The following RARS1 variants were observed in gnomAD, a reference collection of about 807,000 sequenced individuals.
RARS1 encodes arginine--tRNA ligase, cytoplasmic.
In RARS1, 75 loss-of-function variants were observed where a neutral mutation model predicts 78.7. The observed-to-expected ratio is 0.95, with a 90% CI of 0.79 to 1.15. The LOEUF is 1.15. Among genes scored for constraint, RARS1 ranks in the 50% most tolerant of loss-of-function variants. The pLI, the probability that RARS1 is intolerant of heterozygous loss-of-function variation, is 0.00. For missense variants in RARS1, 787 were observed against 787.5 expected, an observed-to-expected ratio of 1.00 and a Z score of 0.01; for synonymous variants, 273 against 268.2, an observed-to-expected ratio of 1.02 and a Z score of -0.18.
At position 168,497,142 on chromosome 5, in the gene RARS1, G is replaced by A. The variant is rs1204936536; in HGVS notation, c.702-86G>A. The A allele has an allele frequency of 3.7e-6, 4 of 1,092,350 alleles. No homozygotes were observed. In the African/African-American group the frequency reaches 4.9e-5, roughly 13 times the overall value. The allele number at this position is 1,092,350 out of a possible 1,614,324, so 67.7% of individuals were successfully genotyped here. On this transcript the variant is annotated intron_variant, in intron 6 of 14. Coordinates refer to ENST00000231572, the MANE Select transcript of RARS1 (RefSeq NM_002887.4). ...ATGTACTGGCATGTAAATATTAGTG[G>A]TTCCTAATGGAATATAGTTCCTCTA...
chr5:168,501,877 T>C, intron 8 of RARS1, 124 bp from the exon 9 acceptor site: 1 of 1,374,180 alleles, frequency 7.3e-7, no homozygotes, highest in Non-Finnish European at 9.6e-7. Flanking sequence ...TCATACATTT[T>C]TTATGTAATT....
At chr5:168,499,876 G>A (rs988434817) in intron 7 of RARS1, among the ~76,000 whole-genome samples, 2 of 152,034 alleles carry the variant, frequency 1.3e-5, no homozygotes, top group African/African-American at 4.8e-5. Flanking sequence ...AGCAACTTTC[G>A]TTTTAGTTAA....
chr5:168,507,227 T>C (rs1758467144), intron 11 of RARS1, among the ~76,000 whole-genome samples: 1 of 152,232 alleles, frequency 6.6e-6, no homozygotes, highest in Non-Finnish European at 1.5e-5. Context: ...TATAAGTTAT[T>C]GAGATTCCAA....
rs796746967 is a variant in RARS1 at position 168,486,656 on chromosome 5, CAG to C, written c.45+116_45+117del. The C allele has an allele frequency of 0.17, 187,908 of 1,111,254 alleles. 16,802 individuals carry two copies. Among genetic ancestry groups the C allele is most frequent in the Middle Eastern group, 0.25 (1,043 of 4,158 alleles). 68.8% of individuals were successfully genotyped at this position (1,111,254 alleles called of 1,614,324 possible). On this transcript the variant is annotated intron_variant, in intron 1 of 14. Coordinates refer to ENST00000231572, the MANE Select transcript of RARS1 (RefSeq NM_002887.4). The stretch of plus-strand genomic sequence containing the variant: ...TAGGCGAGGACCATCCTGGTCCTCT[CAG>C]AGTGGAGCGGCACGGTCCCTGTGGG...
chr5:168,505,714 G>GAAA (rs60743864), intron 9 of RARS1, among the ~76,000 whole-genome samples: 24 of 114,224 alleles, frequency 2.1e-4, no homozygotes, highest in Non-Finnish European at 1.8e-4. Flanking sequence ...TATCAAAAAA[G>GAAA]AAAAAAAAAA....
rs1167658706 is a variant in RARS1, at chr5:168,488,703, A to T, written c.147A>T (p.Leu49Phe). ...PNLEQLQEEN[L>F]KLKYRLNILR... is the part of the protein sequence containing the mutation. ...TGGAGCAGTTACAAGAAGAAAATTT[A>T]AAATTAAAGTATCGACTGAATATTC... Residue 49 changes from leucine (L) to phenylalanine (F), a missense_variant, in exon 2 of 15, where the codon TTA (leucine) becomes TTT (phenylalanine). Coordinates refer to ENST00000231572, the MANE Select transcript of RARS1 (RefSeq NM_002887.4). 6.2e-7 allele frequency: 1 copy of T among 1,611,278 alleles called. No individual in the cohort carries two copies. Among genetic ancestry groups the T allele is most frequent in the Non-Finnish European group, 8.5e-7 (1 of 1,179,246 alleles).
chr5:168,489,993 T>C (rs1351409527), intron 2 of RARS1, among the ~76,000 whole-genome samples: 1 of 152,126 alleles, frequency 6.6e-6, no homozygotes, highest in Admixed American at 6.5e-5. Flanking sequence ...TTTGTATTTT[T>C]AGTAGAGACG....
At chr5:168,509,637 G>A (rs796743414) in intron 11 of RARS1, among the ~76,000 whole-genome samples, 79 of 149,576 alleles carry the variant, frequency 5.3e-4, no homozygotes, top group African/African-American at 1.7e-3. Context: ...AGCATCCTGA[G>A]GTTTTTTTCT....
intron 7 of RARS1, among the ~76,000 whole-genome samples, chr5:168,500,123 G>T (rs906017569): frequency 7.2e-6 from 1 of 139,574 alleles, no homozygotes; most frequent in African/African-American, 2.6e-5. Context: ...GGACACGGAG[G>T]TTGCAGTGAG....
intron 9 of RARS1, among the ~76,000 whole-genome samples, chr5:168,502,385 T>TATATATATATATATA: frequency 1.1e-5 from 1 of 93,144 alleles, no homozygotes; most frequent in African/African-American, 5.1e-5. Context: ...TATATATATA[T>TATATATATATATATA]TTTTTTTTTT....
rs560759460 is a variant in RARS1, at chr5:168,497,267, G to A, written c.741G>A (p.Met247Ile). 168 of 1,589,468 alleles carry A rather than the reference G, an allele frequency of 1.1e-4. 4 individuals are homozygous for A. The South Asian group carries it at 1.7e-3, about 16-fold the overall frequency. Residue 247 changes from methionine to isoleucine, a missense_variant, in exon 7 of 15, where the codon ATG becomes ATA. By Grantham distance (10) the Met-to-Ile change is conservative (BLOSUM62 1). Coordinates refer to ENST00000231572, the MANE Select transcript of RARS1 (RefSeq NM_002887.4). ...GAGACTGGGGGACCCAGTTTGGCAT[G>A]CTCATCGCTCACCTGCAAGACAAAT... ...HVGDWGTQFG[M>I]LIAHLQDKFP...
chr5:168,514,971 A>G (rs1735252864), intron 12 of RARS1, among the ~76,000 whole-genome samples: 1 of 152,160 alleles, frequency 6.6e-6, no homozygotes, highest in African/African-American at 2.4e-5. Context: ...ATACAGTCTT[A>G]TAAGTCTTAT....
intron 4 of RARS1, 116 bp from the exon 5 acceptor site, chr5:168,494,434 A>G (rs1277846031): frequency 2.7e-6 from 4 of 1,509,260 alleles, no homozygotes; most frequent in Non-Finnish European, 3.5e-6. Context: ...CACAACTGGT[A>G]TTGGAATCCG....
chr5:168,519,024 A>G, intron 14 of RARS1, 57 bp from the exon 15 acceptor site: 2 of 1,451,926 alleles, frequency 1.4e-6, no homozygotes, highest in South Asian at 1.2e-5. Context: ...AGATTCTTTA[A>G]TAATGATTTT....
At chr5:168,518,361 C>T (rs1295022650) in intron 14 of RARS1, among the ~76,000 whole-genome samples, 1 of 151,744 alleles carries the variant, frequency 6.6e-6, no homozygotes, top group Non-Finnish European at 1.5e-5. Context: ...CCACTTTTTC[C>T]CTAACAGTTG....
intron 14 of RARS1, among the ~76,000 whole-genome samples, chr5:168,518,655 T>G (rs755751803): frequency 2.6e-5 from 4 of 152,194 alleles, no homozygotes; most frequent in Non-Finnish European, 4.4e-5. Flanking sequence ...CTCTGTCATA[T>G]TACATAGTTA....
chr5:168,495,163 A>G (rs1758158492), intron 5 of RARS1, 152 bp from the exon 6 acceptor site: 10 of 1,312,582 alleles, frequency 7.6e-6, no homozygotes, highest in Non-Finnish European at 9.1e-6. Flanking sequence ...TGGTTGAATT[A>G]CGGCCCAAAT....
rs181505780 is a variant in RARS1, at chr5:168,504,896, A to G, written c.1058-1125A>G. 1.6e-4 allele frequency among the ~76,000 whole-genome samples: 25 copies of G among 152,306 alleles called. 1 individual carries two copies. The East Asian group carries it at 4.6e-3, about 28-fold the overall frequency. ...CAGCTTCACGAGAGGCTGAGGCAGG[A>G]GGATTGCTTGAGCCCAGGAGGTCTA... is the stretch of plus-strand genomic sequence containing the variant. On this transcript the variant is annotated intron_variant, in intron 9 of 14. Coordinates refer to ENST00000231572, the MANE Select transcript of RARS1 (RefSeq NM_002887.4).
At chr5:168,505,354 G>C (rs1318261740) in intron 9 of RARS1, among the ~76,000 whole-genome samples, 7 of 152,124 alleles carry the variant, frequency 4.6e-5, no homozygotes, top group Non-Finnish European at 1.0e-4. Context: ...TTTTTATCAT[G>C]AGTGTATGAA....
Sources: gnomAD v4.1 joint callset for allele counts (sites outside exome capture counted in the v4.1 genomes callset) on GRCh38, gnomAD v4.1.1 for gene constraint, MANE v1.5 for transcripts, NCBI Gene and HGNC (gene_info 2026-07-23, HGNC 2026-07-21) for gene names.